The following EYS variants were observed in gnomAD, a reference collection of about 807,000 sequenced individuals.
EYS encodes EGF-like photoreceptor maintenance factor.
EYS carries 250 observed loss-of-function variants against 282.1 expected under a neutral mutation model. The ratio of observed to expected loss-of-function variants is 0.89; its 90% CI spans 0.80 to 0.98. EYS has a LOEUF of 0.98. Ranked by LOEUF, EYS falls within the 50% of genes least tolerant of loss-of-function variation. The pLI is 0.00. For synonymous variants in EYS, 1,355 were observed against 1,282.9 expected (o/e 1.06, Z -1.20); for missense variants, 4,016 against 3,709.0 (o/e 1.08, Z -2.15).
intron 29 of EYS, among the ~76,000 whole-genome samples, chr6:64,307,673 T>C (rs1769505554): frequency 6.6e-6 from 1 of 152,190 alleles, no homozygotes; most frequent in Admixed American, 6.5e-5. Context: ...AAATATTGCA[T>C]TGTATTTGGG....
chr6:63,940,569 G>A (rs796066662), intron 35 of EYS, among the ~76,000 whole-genome samples: 14 of 152,220 alleles, frequency 9.2e-5, no homozygotes, highest in African/African-American at 3.4e-4. Context: ...AATGTAGTAT[G>A]GCTTAAAAAA....
chr6:63,740,485 A>G (rs1373613679), intron 41 of EYS, among the ~76,000 whole-genome samples: 2 of 152,168 alleles, frequency 1.3e-5, no homozygotes, highest in African/African-American at 2.4e-5. Context: ...ATGAAAATGG[A>G]CTAATACAGA....
chr6:65,388,898 G>C (rs749189449), intron 7 of EYS, among the ~76,000 whole-genome samples: 1 of 151,866 alleles, frequency 6.6e-6, no homozygotes, highest in Admixed American at 6.6e-5. Flanking sequence ...AAAAACTATA[G>C]AGCCAATATA....
chr6:64,419,866 G>C (rs1832490), intron 28 of EYS, among the ~76,000 whole-genome samples: 1 of 152,000 alleles, frequency 6.6e-6, no homozygotes, highest in South Asian at 2.1e-4. Flanking sequence ...TTGTTGGTGG[G>C]TCTACCATTC....
At chr6:64,296,355 G>A (rs1057207792) in intron 30 of EYS, among the ~76,000 whole-genome samples, 10 of 151,868 alleles carry the variant, frequency 6.6e-5, no homozygotes, top group Non-Finnish European at 1.0e-4. Flanking sequence ...ATATAACAGC[G>A]CCATTCTTAT....
chr6:63,732,435 T>C (rs1045327700), intron 41 of EYS, among the ~76,000 whole-genome samples: 1 of 152,122 alleles, frequency 6.6e-6, no homozygotes, highest in Non-Finnish European at 1.5e-5. Context: ...CAAAAAGAGG[T>C]ACATTTTTAT....
At chr6:63,912,046 G>T (rs556627807) in intron 35 of EYS, among the ~76,000 whole-genome samples, 1 of 152,234 alleles carries the variant, frequency 6.6e-6, no homozygotes, top group East Asian at 1.9e-4. Context: ...ATTAAGTTTT[G>T]CTGATATAGT....
At chr6:64,634,234 G>A (rs1323288608) in intron 22 of EYS, among the ~76,000 whole-genome samples, 1 of 152,112 alleles carries the variant, frequency 6.6e-6, no homozygotes, top group African/African-American at 2.4e-5. Context: ...CGCCTGCCTT[G>A]GCCTCCCAAA....
At chr6:63,748,952 C>G (rs1026269899) in intron 41 of EYS, among the ~76,000 whole-genome samples, 2 of 151,796 alleles carry the variant, frequency 1.3e-5, no homozygotes, top group African/African-American at 4.8e-5. Context: ...ATTTGTTGAT[C>G]TTTTGAATGA....
intron 29 of EYS, among the ~76,000 whole-genome samples, chr6:64,333,381 G>A (rs1216776215): frequency 6.6e-6 from 1 of 152,212 alleles, no homozygotes; most frequent in East Asian, 1.9e-4. Flanking sequence ...GGGACCATCT[G>A]TAAAACTCTA....
At chr6:65,205,204 T>C (rs1295294) in intron 12 of EYS, among the ~76,000 whole-genome samples, 19,497 of 149,096 alleles carry the variant, frequency 0.13, 1,776 homozygotes, top group African/African-American at 0.26. Flanking sequence ...AGTAAAGGGG[T>C]AGTAAAAGAT....
chr6:63,981,980 C>T (rs1472828190), intron 35 of EYS, among the ~76,000 whole-genome samples: 3 of 151,798 alleles, frequency 2.0e-5, no homozygotes, highest in Non-Finnish European at 4.4e-5. Flanking sequence ...CTTATATATA[C>T]ATCCTGTTAG....
At chr6:64,777,376 G>A (rs1281997802) in intron 22 of EYS, among the ~76,000 whole-genome samples, 1 of 152,012 alleles carries the variant, frequency 6.6e-6, no homozygotes, top group Admixed American at 6.6e-5. Context: ...ACATGCTGTT[G>A]GAGTGTTGAA....
chr6:64,008,722 A>C (rs1768465070), intron 33 of EYS, among the ~76,000 whole-genome samples: 1 of 152,166 alleles, frequency 6.6e-6, no homozygotes, highest in African/African-American at 2.4e-5. Context: ...CTTTGCTTTT[A>C]AACTTAGTTT....
chr6:65,219,118 G>T lies in EYS; in HGVS notation c.2023+76745C>A, dbSNP rs367734465. ...TTTGAAGCACATAAAATATTTTAGG[G>T]GGCTCATAATCTTCAAGTAGGTTTA... On this transcript the variant is annotated intron_variant, in intron 12 of 42. Coordinates refer to ENST00000503581, the MANE Select transcript of EYS (RefSeq NM_001142800.2). 3.3e-4 allele frequency among the ~76,000 whole-genome samples: 50 copies of T among 152,024 alleles called. No homozygotes were observed. The East Asian group carries it at 9.1e-3, about 28-fold the overall frequency.
chr6:65,499,405 A>G (rs1766370390), intron 2 of EYS, among the ~76,000 whole-genome samples: 1 of 151,960 alleles, frequency 6.6e-6, no homozygotes, highest in Non-Finnish European at 1.5e-5. Flanking sequence ...TTCTATTTGC[A>G]CTCAATAGAC....
intron 22 of EYS, among the ~76,000 whole-genome samples, chr6:64,632,808 C>T (rs975338759): frequency 3.9e-5 from 6 of 152,118 alleles, no homozygotes; most frequent in Admixed American, 1.3e-4. Context: ...ATTATGAGTT[C>T]AATATTATAC....
intron 12 of EYS, among the ~76,000 whole-genome samples, chr6:65,250,854 G>T (rs1209013494): frequency 6.6e-6 from 1 of 151,616 alleles, no homozygotes; most frequent in African/African-American, 2.4e-5. Context: ...GTTAGAATTT[G>T]CTTCTCTGTG....
chr6:65,353,324 G>C, intron 9 of EYS, 134 bp downstream of exon 9: 1 of 724,588 alleles, frequency 1.4e-6, no homozygotes, highest in Non-Finnish European at 2.3e-6. Context: ...TAGAAAATAA[G>C]AGTATTAATT....
Sources: gnomAD v4.1 joint callset for allele counts (sites outside exome capture counted in the v4.1 genomes callset) on GRCh38, gnomAD v4.1.1 for gene constraint, MANE v1.5 for transcripts, NCBI Gene and HGNC (gene_info 2026-07-23, HGNC 2026-07-21) for gene names.